Variants in CCDC33 observed in about 807,000 individuals in gnomAD.
CCDC33 encodes the protein coiled-coil domain-containing protein 33.
Under a neutral mutation model 91.9 loss-of-function variants are expected in CCDC33, and 94 were observed. The ratio of observed to expected loss-of-function variants is 1.02; its 90% CI spans 0.87 to 1.21. The LOEUF (loss-of-function observed/expected upper bound fraction) is 1.21, where lower values mean the gene tolerates loss of function less well. CCDC33 is among the 50% of genes most tolerant of loss of function. The pLI is 0.00. For synonymous variants in CCDC33, 396 were observed against 374.5 expected, an observed-to-expected ratio of 1.06 and a Z score of -0.66; for missense variants, 940 against 935.5, an observed-to-expected ratio of 1.00 and a Z score of -0.06.
chr15:74,286,394 C>T (rs2059474809), intron 10 of CCDC33, among the ~76,000 whole-genome samples: 1 of 152,062 alleles, frequency 6.6e-6, no homozygotes, highest in Non-Finnish European at 1.5e-5. Flanking sequence ...GGGGAGTCTA[C>T]ACTTCCCCAG....
At chr15:74,281,877 G>C in intron 10 of CCDC33, 28 bp downstream of exon 10, 2 of 1,596,438 alleles carry the variant, frequency 1.3e-6, no homozygotes, top group Non-Finnish European at 1.7e-6. Context: ...GGGAGGGTCA[G>C]GGCCAGCAGG....
chr15:74,252,981 G>A (rs1224855955), intron 2 of CCDC33, among the ~76,000 whole-genome samples: 3 of 152,158 alleles, frequency 2.0e-5, no homozygotes, highest in African/African-American at 7.2e-5. Context: ...AAGCCATAAG[G>A]ATTCTTTCCA....
intron 7 of CCDC33, among the ~76,000 whole-genome samples, chr15:74,279,556 G>A (rs935719626): frequency 4.6e-5 from 7 of 152,068 alleles, no homozygotes; most frequent in Middle Eastern, 3.4e-3. Context: ...TTTATTTAGA[G>A]ACGGAGTTTC....
chr15:74,279,766 A>G (rs1389380842), intron 7 of CCDC33, among the ~76,000 whole-genome samples, 197 bp from the exon 8 acceptor site: 1 of 152,216 alleles, frequency 6.6e-6, no homozygotes, highest in African/African-American at 2.4e-5. Flanking sequence ...TGAACTCCTG[A>G]CCTCAAGTGA....
At chr15:74,285,108 G>A (rs1348264336) in intron 10 of CCDC33, among the ~76,000 whole-genome samples, 1 of 152,246 alleles carries the variant, frequency 6.6e-6, no homozygotes, top group Non-Finnish European at 1.5e-5. Context: ...GGTCAGACAT[G>A]GTCAGTGCTG....
At position 74,284,850 on chromosome 15, in the gene CCDC33, A is replaced by G. The variant is rs113460225; in HGVS notation, c.1095+3001A>G. On this transcript the variant is annotated intron_variant, in intron 10 of 18. Coordinates refer to ENST00000398814, the MANE Select transcript of CCDC33 (RefSeq NM_025055.5). ...CGCCTAAGGTGTTGCCTGCAACTTC[A>G]TCATGGAAGGTACCTGGTATTCATC... Among the ~76,000 whole-genome samples, 249 of 152,342 alleles carry G rather than the reference A, an allele frequency of 1.6e-3. 1 individual carries two copies. The highest frequency in any genetic ancestry group is 5.9e-3 in the African/African-American group (245 of 41,574).
intron 2 of CCDC33, among the ~76,000 whole-genome samples, chr15:74,220,311 A>G (rs1567211913): frequency 6.6e-6 from 1 of 152,160 alleles, no homozygotes; most frequent in African/African-American, 2.4e-5. Flanking sequence ...CAGTCAATCA[A>G]CACATACTTT....
intron 1 of CCDC33, 26 bp from the exon 2 acceptor site, chr15:74,243,959 A>AT (rs779356834): frequency 9.1e-6 from 14 of 1,531,194 alleles, no homozygotes; most frequent in Non-Finnish European, 1.2e-5. Context: ...AAAAAAAAAA[A>AT]CACTCAGCCC....
At chr15:74,307,483 G>T (rs2059911862) in intron 11 of CCDC33, among the ~76,000 whole-genome samples, 2 of 152,030 alleles carry the variant, frequency 1.3e-5, no homozygotes, top group South Asian at 2.1e-4. Context: ...ACAAGACCGA[G>T]GGGGAGTCTT....
intron 17 of CCDC33, 69 bp from the exon 18 acceptor site, chr15:74,334,906 G>A: frequency 7.8e-7 from 1 of 1,281,460 alleles, no homozygotes; most frequent in Non-Finnish European, 1.1e-6. Context: ...TCAGGCCCTG[G>A]TTGTCCTGGC....
intron 2 of CCDC33, among the ~76,000 whole-genome samples, chr15:74,254,940 G>A (rs1381349386): frequency 6.6e-6 from 1 of 152,058 alleles, no homozygotes; most frequent in Non-Finnish European, 1.5e-5. Context: ...TAGAGACGGT[G>A]TTTTGCCATG....
At chr15:74,209,500 G>A (rs749059658) in exon 2 of CCDC33, 2 of 1,487,368 alleles carry the variant, frequency 1.3e-6, no homozygotes, top group East Asian at 2.5e-5. Context: ...ACAGCTAAGG[G>A]GAGTCATCAC....
At chr15:74,332,092 AC>A (rs2060451247) in intron 15 of CCDC33, among the ~76,000 whole-genome samples, 1 of 152,290 alleles carries the variant, frequency 6.6e-6, no homozygotes, top group South Asian at 2.1e-4. Context: ...ACCAAAAGCC[AC>A]CTAAAACTGC....
At chr15:74,287,129 C>T (rs1471172339) in intron 10 of CCDC33, among the ~76,000 whole-genome samples, 5 of 152,210 alleles carry the variant, frequency 3.3e-5, no homozygotes, top group Non-Finnish European at 7.3e-5. Context: ...TGAGATGGTC[C>T]TTAGAGAAAC....
intron 17 of CCDC33, 53 bp from the exon 18 acceptor site, chr15:74,334,922 G>A: frequency 7.0e-7 from 1 of 1,430,686 alleles, no homozygotes; most frequent in Non-Finnish European, 9.9e-7. Context: ...CTGGCCATCA[G>A]GGATTAGCCC....
chr15:74,329,437 A>G (rs1489484787), intron 11 of CCDC33, among the ~76,000 whole-genome samples: 1 of 152,204 alleles, frequency 6.6e-6, no homozygotes, highest in African/African-American at 2.4e-5. Context: ...GCATTGGTAT[A>G]ACGGAGATAA....
chr15:74,269,454 A>G (rs2076256393), intron 5 of CCDC33, among the ~76,000 whole-genome samples: 1 of 151,720 alleles, frequency 6.6e-6, no homozygotes, highest in Non-Finnish European at 1.5e-5. Context: ...CCCTACAGCC[A>G]CCCCTCTGAT....
rs2074336228 is a variant in CCDC33, at chr15:74,209,500, G to GCCCT, written n.202_203insCCCT. On this transcript the variant is annotated non_coding_transcript_exon_variant, in exon 2 of 4. Coordinates refer to the CCDC33 transcript ENST00000558645. Reference sequence around the variant, plus strand: ...CTGAGGGCCCTGACCACAGCTAAGGGGAGTCATCACAGGGCTTCAGGGCTG... The same window carrying GCCCT: ...CTGAGGGCCCTGACCACAGCTAAGGGCCCTGAGTCATCACAGGGCTTCAGGGCTG... The GCCCT allele has an allele frequency of 4.7e-6, 7 of 1,487,250 alleles. No individual in the cohort carries two copies. In the African/African-American group the frequency reaches 9.7e-5, roughly 21 times the overall value. The allele number at this position is 1,487,250 out of a possible 1,614,324, so 92.1% of individuals were successfully genotyped here.
intron 11 of CCDC33, among the ~76,000 whole-genome samples, chr15:74,320,955 G>A (rs1007793473): frequency 4.6e-5 from 7 of 152,204 alleles, no homozygotes; most frequent in African/African-American, 1.4e-4. Flanking sequence ...GGTGGGCAGT[G>A]GCAAAGAACT....
Sources: gnomAD v4.1 joint callset for allele counts (sites outside exome capture counted in the v4.1 genomes callset) on GRCh38, gnomAD v4.1.1 for gene constraint, MANE v1.5 for transcripts, NCBI Gene and HGNC (gene_info 2026-07-23, HGNC 2026-07-21) for gene names.